Variants in DENND1A observed in about 807,000 individuals in gnomAD.
DENND1A encodes the protein DENN domain containing 1A, also known as DENN domain-containing protein 1A.
Under a neutral mutation model 113.7 loss-of-function variants are expected in DENND1A, and 51 were observed. The ratio of observed to expected loss-of-function variants is 0.45; its 90% CI spans 0.36 to 0.57. DENND1A has a LOEUF of 0.57. DENND1A is among the 20% of genes least tolerant of loss of function. DENND1A has a pLI of 0.00. For missense variants in DENND1A, 1,258 were observed against 1,395.9 expected, an observed-to-expected ratio of 0.90 and a Z score of 1.57; for synonymous variants, 565 against 570.8, an observed-to-expected ratio of 0.99 and a Z score of 0.14.
At chr9:123,781,475 A>G (rs1831306813) in intron 3 of DENND1A, among the ~76,000 whole-genome samples, 1 of 152,204 alleles carries the variant, frequency 6.6e-6, no homozygotes, top group Non-Finnish European at 1.5e-5. Flanking sequence ...GGACTTGTCT[A>G]CATTCTGGGA....
intron 9 of DENND1A, among the ~76,000 whole-genome samples, chr9:123,644,653 C>A (rs2062215169): frequency 6.6e-6 from 1 of 152,176 alleles, no homozygotes; most frequent in Admixed American, 6.5e-5. Context: ...CCCAGGCATG[C>A]ACTTCGAAGG....
At chr9:123,490,094 G>C (rs1443279487) in intron 13 of DENND1A, among the ~76,000 whole-genome samples, 1 of 152,186 alleles carries the variant, frequency 6.6e-6, no homozygotes, top group Non-Finnish European at 1.5e-5. Context: ...ATCACCTTTA[G>C]AAGTACTAGT....
At chr9:123,805,982 C>T (rs1835483866) in intron 2 of DENND1A, among the ~76,000 whole-genome samples, 1 of 152,152 alleles carries the variant, frequency 6.6e-6, no homozygotes, top group African/African-American at 2.4e-5. Flanking sequence ...CAGATGGAGT[C>T]TCGCTCTATC....
At chr9:123,674,272 C>T (rs1415559465) in intron 6 of DENND1A, among the ~76,000 whole-genome samples, 1 of 151,764 alleles carries the variant, frequency 6.6e-6, no homozygotes, top group Admixed American at 6.6e-5. Flanking sequence ...ATCCCAGTTA[C>T]TCACACCTTG....
At chr9:123,532,090 G>C (rs2055368549) in intron 13 of DENND1A, among the ~76,000 whole-genome samples, 1 of 152,114 alleles carries the variant, frequency 6.6e-6, no homozygotes, top group Non-Finnish European at 1.5e-5. Flanking sequence ...ATTTTTCATA[G>C]GTGAAACCCT....
intron 10 of DENND1A, among the ~76,000 whole-genome samples, chr9:123,619,244 G>C (rs1211603035): frequency 6.6e-6 from 1 of 152,150 alleles, no homozygotes; most frequent in Admixed American, 6.5e-5. Context: ...ACCGCACCCA[G>C]CCTAAAAAAG....
chr9:123,603,991 C>T (rs560377192), intron 11 of DENND1A, among the ~76,000 whole-genome samples: 4 of 152,286 alleles, frequency 2.6e-5, no homozygotes, highest in East Asian at 1.9e-4. Flanking sequence ...GCATTTTATA[C>T]GGAAGGACTG....
At chr9:123,889,107 A>T (rs1019276927) in intron 1 of DENND1A, among the ~76,000 whole-genome samples, 3 of 151,912 alleles carry the variant, frequency 2.0e-5, no homozygotes, top group Non-Finnish European at 1.5e-5. Flanking sequence ...AATTTCTCTG[A>T]CCTTCCTTTT....
At chr9:123,762,146 A>G (rs1029516494) in intron 4 of DENND1A, among the ~76,000 whole-genome samples, 5 of 152,332 alleles carry the variant, frequency 3.3e-5, no homozygotes, top group South Asian at 4.1e-4. Flanking sequence ...CTCCCTGGGA[A>G]GCTTTCAACT....
At chr9:123,871,502 G>C (rs1846607114) in intron 2 of DENND1A, among the ~76,000 whole-genome samples, 1 of 152,168 alleles carries the variant, frequency 6.6e-6, no homozygotes, top group South Asian at 2.1e-4. Context: ...TAAAATGAAA[G>C]TTAAACTTCA....
At chr9:123,639,585 C>T (rs2061915804) in intron 9 of DENND1A, among the ~76,000 whole-genome samples, 1 of 151,720 alleles carries the variant, frequency 6.6e-6, no homozygotes, top group Non-Finnish European at 1.5e-5. Context: ...CAAGACTAGC[C>T]TGACCAACAT....
intron 5 of DENND1A, among the ~76,000 whole-genome samples, chr9:123,738,988 C>T (rs2068782744): frequency 6.6e-6 from 1 of 152,032 alleles, no homozygotes; most frequent in Admixed American, 6.6e-5. Context: ...TACATATACA[C>T]AAAAAAGGAG....
At chr9:123,504,422 G>T (rs896453557) in intron 13 of DENND1A, among the ~76,000 whole-genome samples, 2 of 152,230 alleles carry the variant, frequency 1.3e-5, no homozygotes, top group African/African-American at 4.8e-5. Context: ...CGGGATGCAT[G>T]CTTATAACAT....
chr9:123,507,640 G>C (rs955652669), intron 13 of DENND1A, among the ~76,000 whole-genome samples: 6 of 151,518 alleles, frequency 4.0e-5, no homozygotes, highest in African/African-American at 9.7e-5. Context: ...CTTAAACCCA[G>C]GAGTTTGAGA....
At chr9:123,654,608 C>A (rs2062836364) in intron 8 of DENND1A, among the ~76,000 whole-genome samples, 1 of 152,162 alleles carries the variant, frequency 6.6e-6, no homozygotes, top group Non-Finnish European at 1.5e-5. Flanking sequence ...TTCTGAGGGA[C>A]TCAGGTGCTT....
chr9:123,433,451 G>A (rs1225968730), intron 19 of DENND1A, among the ~76,000 whole-genome samples: 1 of 152,168 alleles, frequency 6.6e-6, no homozygotes, highest in Admixed American at 6.5e-5. Context: ...TGTACATGAT[G>A]TGTAATGTTT....
At chr9:123,707,760 G>A (rs2066323488) in intron 5 of DENND1A, among the ~76,000 whole-genome samples, 1 of 152,130 alleles carries the variant, frequency 6.6e-6, no homozygotes, top group Admixed American at 6.5e-5. Flanking sequence ...AAGGAATTTT[G>A]CTGTAAAGGG....
chr9:123,689,968 G>A (rs2065058407), intron 5 of DENND1A, among the ~76,000 whole-genome samples: 1 of 150,186 alleles, frequency 6.7e-6, no homozygotes, highest in African/African-American at 2.5e-5. Context: ...CAGCCTGAGT[G>A]ACACAGCAAG....
intron 2 of DENND1A, among the ~76,000 whole-genome samples, chr9:123,846,474 A>G (rs552682599): frequency 3.2e-4 from 49 of 152,374 alleles, no homozygotes; most frequent in African/African-American, 1.2e-3. Context: ...ATGAATGGAT[A>G]AACAACATGC....
Sources: allele counts gnomAD v4.1 joint callset (sites outside exome capture counted in the v4.1 genomes callset), GRCh38; gene constraint gnomAD v4.1.1; transcripts MANE v1.5; gene names NCBI Gene and HGNC (gene_info 2026-07-23, HGNC 2026-07-21).